Variants in CAMK2G observed in about 807,000 individuals in gnomAD.
The protein encoded by CAMK2G is calcium/calmodulin-dependent protein kinase type II subunit gamma.
CAMK2G carries 23 observed loss-of-function variants against 88.7 expected under a neutral mutation model. That is an observed-to-expected ratio of 0.26 (90% CI 0.19 to 0.37). CAMK2G has a LOEUF of 0.37. CAMK2G is among the 10% of genes least tolerant of loss of function. The probability of loss-of-function intolerance (pLI) is 1.00; values close to 1 mark genes in which losing one functional copy is unlikely to be tolerated. For synonymous variants in CAMK2G, 263 were observed against 294.8 expected (o/e 0.89, Z 1.11); for missense variants, 476 against 780.8 (o/e 0.61, Z 4.65).
At chr10:73,823,797 T>C (rs1456250480) in intron 17 of CAMK2G, among the ~76,000 whole-genome samples, 1 of 152,198 alleles carries the variant, frequency 6.6e-6, no homozygotes. Flanking sequence ...CATCCCCAAT[T>C]TGCAGATAAA....
At chr10:73,837,728 T>G (rs531250474) in intron 13 of CAMK2G, among the ~76,000 whole-genome samples, 2 of 152,118 alleles carry the variant, frequency 1.3e-5, no homozygotes, top group South Asian at 4.2e-4. Flanking sequence ...CTCCTCTGCG[T>G]GGAGGAGGGC....
At chr10:73,830,895 G>A (rs1385748285) in intron 14 of CAMK2G, among the ~76,000 whole-genome samples, 1 of 152,206 alleles carries the variant, frequency 6.6e-6, no homozygotes, top group Non-Finnish European at 1.5e-5. Flanking sequence ...ATCGCCCTAT[G>A]GACACTTAAG....
Position 73,848,743 on chromosome 10 carries a change from G to C in CAMK2G, c.518-134C>G, listed in dbSNP as rs1344433318. The C allele has an allele frequency of 3.1e-6, 2 of 653,736 alleles. No individual in the cohort carries two copies. The highest frequency in any genetic ancestry group is 3.7e-5 in the African/African-American group (2 of 54,732). The allele number at this position is 653,736 out of a possible 1,614,324, so 40.5% of individuals were successfully genotyped here. A position where few individuals can be genotyped will look rare whatever the true frequency, so the allele number is the denominator to read the frequency against. On this transcript the variant is annotated intron_variant, in intron 7 of 22. Transcript: ENST00000423381. This position sits in a 1 kb window ranked among gnomAD's most constrained non-coding sequence, Gnocchi z 4.5. Reference sequence around the variant, plus strand: ...TAAACTCTCAGCACATGGGCAGCAAGAGCTGACAGGCTGGGCTTCTTGTAG... The same window carrying C: ...TAAACTCTCAGCACATGGGCAGCAACAGCTGACAGGCTGGGCTTCTTGTAG...
chr10:73,867,238 G>T (rs558807300), intron 2 of CAMK2G, among the ~76,000 whole-genome samples: 1 of 152,224 alleles, frequency 6.6e-6, no homozygotes, highest in African/African-American at 2.4e-5. Context: ...CAAGGGAAGC[G>T]AGAGGCTCCA....
At chr10:73,853,138 A>AT in intron 4 of CAMK2G, 54 bp downstream of exon 4, 1 of 1,545,706 alleles carries the variant, frequency 6.5e-7, no homozygotes, top group South Asian at 1.1e-5. Flanking sequence ...CTGAGCCTTC[A>AT]TTTTGAGTCA....
chr10:73,817,043 T>G lies in CAMK2G; in HGVS notation c.1514A>C (p.His505Pro). 1 of 1,614,082 alleles carries G rather than the reference T, an allele frequency of 6.2e-7. No homozygotes were observed. Among genetic ancestry groups the G allele is most frequent in the East Asian group, 2.2e-5 (1 of 44,884 alleles). Residue 505 changes from histidine to proline, a missense_variant, in exon 21 of 23, where the codon CAT becomes CCT. By Grantham distance (77) the His-to-Pro change is moderately conservative. Around this residue, in one of 3 missense-constraint regions of CAMK2G, gnomAD observed 278 missense variants for 366.5 expected, o/e 0.76. Coordinates refer to ENST00000423381, the MANE Select transcript of CAMK2G (RefSeq NM_001367534.1). ...CTCACGATTCTCAAAGTAAAACTTA[T>G]GGAAATCCATCCCCTCCACGAGGTT... ...LGNLVEGMDF[H>P]KFYFENLLSK... is the part of the protein sequence containing the mutation.
At chr10:73,870,530 C>A (rs574716906) in intron 2 of CAMK2G, among the ~76,000 whole-genome samples, 147 of 152,318 alleles carry the variant, frequency 9.7e-4, no homozygotes, top group Non-Finnish European at 1.7e-3. Flanking sequence ...TGACTCCTAG[C>A]CACCTCACCA....
intron 4 of CAMK2G, chr10:73,852,898 C>T (rs560126853): frequency 7.3e-6 from 3 of 411,798 alleles, no homozygotes; most frequent in East Asian, 8.4e-5. Context: ...TCTTTTATTT[C>T]TTCACTAAGG....
chr10:73,818,482 C>T (rs973296202), intron 19 of CAMK2G: 7 of 351,482 alleles, frequency 2.0e-5, no homozygotes, highest in African/African-American at 6.4e-5. Context: ...GAGCCCTGGG[C>T]GGGGCCAGGC....
chr10:73,870,945 C>T (rs2095806154), intron 2 of CAMK2G, among the ~76,000 whole-genome samples: 1 of 152,200 alleles, frequency 6.6e-6, no homozygotes, highest in Admixed American at 6.5e-5. Context: ...ATCTCCAAGA[C>T]AGCCCCTTTC....
chr10:73,851,653 TACA>T (rs2094622798), intron 5 of CAMK2G, among the ~76,000 whole-genome samples: 1 of 146,864 alleles, frequency 6.8e-6, no homozygotes, highest in Admixed American at 7.1e-5. Context: ...TGGTGGCGAG[TACA>T]TGGTAGTGCA....
chr10:73,859,024 T>G (rs974836621), intron 3 of CAMK2G, among the ~76,000 whole-genome samples: 22 of 152,216 alleles, frequency 1.4e-4, no homozygotes, highest in Admixed American at 1.0e-3. Context: ...GAGGACAAAT[T>G]ATCACTGCTG....
chr10:73,819,778 C>T, intron 18 of CAMK2G, 133 bp from the exon 19 acceptor site: 1 of 609,960 alleles, frequency 1.6e-6, no homozygotes, highest in South Asian at 2.0e-5. Context: ...GGACGCCTCG[C>T]CTCAGGCTGC....
chr10:73,873,190 C>T, intron 1 of CAMK2G, 107 bp from the exon 2 acceptor site: 1 of 975,380 alleles, frequency 1.0e-6, no homozygotes, highest in Non-Finnish European at 1.6e-6. Context: ...CCTCTAGTCA[C>T]ACTCACGTAC....
intron 3 of CAMK2G, among the ~76,000 whole-genome samples, chr10:73,858,077 A>C (rs1363475578): frequency 6.6e-6 from 1 of 152,192 alleles, no homozygotes. Context: ...ATCATTACCC[A>C]AAGTCCAGAG....
At chr10:73,828,595 T>G (rs768339788) in intron 14 of CAMK2G, among the ~76,000 whole-genome samples, 16 of 152,190 alleles carry the variant, frequency 1.1e-4, no homozygotes, top group Non-Finnish European at 2.1e-4. Context: ...CTAATAAAAT[T>G]TGACTTCTGA....
At chr10:73,816,319 T>A in intron 21 of CAMK2G, 1 of 993,008 alleles carries the variant, frequency 1.0e-6, no homozygotes, top group Non-Finnish European at 1.2e-6. Flanking sequence ...GTGCCCTGGT[T>A]TGCACATTCT....
intron 2 of CAMK2G, among the ~76,000 whole-genome samples, chr10:73,868,936 A>G (rs758346520): frequency 1.3e-4 from 20 of 152,218 alleles, no homozygotes; most frequent in Non-Finnish European, 2.6e-4. Flanking sequence ...CCGCAGCCTC[A>G]GACACAGACA....
chr10:73,820,602 T>G (rs1393236944), intron 18 of CAMK2G, among the ~76,000 whole-genome samples: 1 of 144,870 alleles, frequency 6.9e-6, no homozygotes, highest in Non-Finnish European at 1.5e-5. Context: ...GTTCAAGCCA[T>G]TTTCATGCCT....
Sources: allele counts gnomAD v4.1 joint callset (sites outside exome capture counted in the v4.1 genomes callset), GRCh38; gene constraint gnomAD v4.1.1; regional missense constraint gnomAD v4.1.1; non-coding constraint Gnocchi (gnomAD v3.1); transcripts MANE v1.5; gene names NCBI Gene and HGNC (gene_info 2026-07-23, HGNC 2026-07-21).